IRAK1BP1: variants seen among roughly 807,000 people sequenced by gnomAD.
IRAK1BP1 encodes interleukin-1 receptor-associated kinase 1-binding protein 1.
In IRAK1BP1, 24 loss-of-function variants were observed where a neutral mutation model predicts 28.0. The observed-to-expected ratio is 0.86, with a 90% CI of 0.62 to 1.20. The LOEUF is 1.20. Ranked by LOEUF, IRAK1BP1 falls within the 50% of genes most tolerant of loss-of-function variation. The probability of loss-of-function intolerance (pLI) is 0.00; values close to 1 mark genes in which losing one functional copy is unlikely to be tolerated. For missense variants in IRAK1BP1, 336 were observed against 316.7 expected, an observed-to-expected ratio of 1.06 and a Z score of -0.46; for synonymous variants, 131 against 116.3, an observed-to-expected ratio of 1.13 and a Z score of -0.81.
rs1771970677 is a variant in IRAK1BP1, at chr6:78,898,320, A to C, written c.769A>C (p.Lys257Gln). The change falls in exon 4 of 4, where the codon AAA becomes CAA. Residue 257 changes from lysine to glutamine, a missense_variant. Physicochemically the swap from Lys to Gln is moderately conservative, Grantham distance 53. Transcript: ENST00000369940. ...TFEVKGKEKR[K>Q]KHL ...TGAGGTAAAGGGAAAAGAGAAGAGA[A>C]AAAAGCACCTTTGAAATTCCAAACA... 4 of 1,546,608 alleles carry C rather than the reference A, an allele frequency of 2.6e-6. No individual in the cohort carries two copies. The highest frequency in any genetic ancestry group is 3.5e-6 in the Non-Finnish European group (4 of 1,140,352).
intron 4 of IRAK1BP1, among the ~76,000 whole-genome samples, chr6:78,925,526 C>G (rs1436361583): frequency 1.3e-5 from 2 of 152,016 alleles, no homozygotes; most frequent in Non-Finnish European, 2.9e-5. Flanking sequence ...GTTAAAAAGT[C>G]AAAACACAAC....
chr6:78,941,010 T>C, intron 4 of IRAK1BP1: 1 of 1,613,978 alleles, frequency 6.2e-7, no homozygotes, highest in Non-Finnish European at 8.5e-7. Flanking sequence ...ATCTTCCTTT[T>C]GGGCTTCCTA....
Position 78,867,841 on chromosome 6 carries a change from T to C in IRAK1BP1, c.265T>C (p.Cys89Arg). Residue 89 changes from cysteine (C) to arginine (R), a missense_variant, in exon 1 of 4, where the codon TGT becomes CGT. Physicochemically the swap from Cys to Arg is radical, Grantham distance 180 (BLOSUM62 -3). Transcript: ENST00000369940. Reference protein sequence around the residue: ...EAAAEAKKSVCRRLDYITQSL... With the variant: ...EAAAEAKKSVRRRLDYITQSL... ...GGCAGCCGAGGCCAAAAAGAGCGTTTGTCGCCGTCTAGATTACATCACGCA... is the reference window on the plus strand; with the variant it reads ...GGCAGCCGAGGCCAAAAAGAGCGTTCGTCGCCGTCTAGATTACATCACGCA... 1.2e-6 allele frequency: 2 copies of C among 1,610,658 alleles called. No homozygotes were observed. Among genetic ancestry groups the C allele is most frequent in the Non-Finnish European group, 1.7e-6 (2 of 1,178,420 alleles).
At chr6:78,930,439 C>A (rs1773012736) in intron 4 of IRAK1BP1, among the ~76,000 whole-genome samples, 1 of 152,040 alleles carries the variant, frequency 6.6e-6, no homozygotes, top group Admixed American at 6.6e-5. Context: ...TTCATTTTTG[C>A]AAATTCAAGG....
rs1249843105 is a variant in IRAK1BP1, at chr6:78,902,564, A to C, written c.*4230A>C. 6.5e-6 allele frequency: 1 copy of C among 154,002 alleles called. No individual in the cohort carries two copies. Among genetic ancestry groups the C allele is most frequent in the Non-Finnish European group, 1.4e-5 (1 of 69,228 alleles). The allele number at this position is 154,002 out of a possible 1,614,324, so 9.5% of individuals were successfully genotyped here. Reference sequence around the variant, plus strand: ...GGTAGGCAGATCACTTGAGGTCAGGAGTTCGAGACCAACCTGGCCAATATA... The same window carrying C: ...GGTAGGCAGATCACTTGAGGTCAGGCGTTCGAGACCAACCTGGCCAATATA... On this transcript the variant is annotated 3_prime_UTR_variant, in exon 4 of 4. Coordinates refer to ENST00000369940, the MANE Select transcript of IRAK1BP1 (RefSeq NM_001010844.4).
intron 1 of IRAK1BP1, among the ~76,000 whole-genome samples, chr6:78,875,218 A>G (rs1402658475): frequency 1.3e-5 from 2 of 152,216 alleles, no homozygotes; most frequent in Non-Finnish European, 2.9e-5. Flanking sequence ...CTTTTATTAA[A>G]AAGTCAAAAA....
chr6:78,918,578 T>TAA (rs58669467), intron 4 of IRAK1BP1, among the ~76,000 whole-genome samples: 9,509 of 66,686 alleles, frequency 0.14, 915 homozygotes, highest in African/African-American at 0.26. Context: ...CCAAAAACAG[T>TAA]AAAAAAAAAA....
intron 4 of IRAK1BP1, among the ~76,000 whole-genome samples, chr6:78,918,118 A>C (rs940985489): frequency 4.6e-5 from 7 of 152,032 alleles, no homozygotes; most frequent in African/African-American, 1.4e-4. Context: ...GCCAACATAG[A>C]GGGATCCCAT....
intron 2 of IRAK1BP1, among the ~76,000 whole-genome samples, chr6:78,888,991 C>G (rs984141974): frequency 6.6e-6 from 1 of 151,446 alleles, no homozygotes; most frequent in Non-Finnish European, 1.5e-5. Context: ...ATGGCATGCA[C>G]CTGTAGACCC....
At position 78,897,901 on chromosome 6, in the gene IRAK1BP1, T is replaced by C. The variant is rs192626868; in HGVS notation, c.454T>C (p.Ser152Pro). 5 of 1,614,000 alleles carry C rather than the reference T, an allele frequency of 3.1e-6. No homozygotes were observed. The East Asian group carries it at 1.1e-4, about 36-fold the overall frequency. ...CNFLVEKLDSSVVISPPQFYH... is the reference protein window; with the variant it reads ...CNFLVEKLDSPVVISPPQFYH... ...CTTTCTTGTTGAAAAGCTAGATAGC[T>C]CTGTTGTCATCAGCCCACCCCAGTT... Residue 152 changes from serine (S) to proline (P), a missense_variant, in exon 3 of 4, where the codon TCT becomes CCT. Coordinates refer to ENST00000369940, the MANE Select transcript of IRAK1BP1 (RefSeq NM_001010844.4).
chr6:78,867,696 C>A lies in IRAK1BP1; in HGVS notation c.120C>A (p.Pro40=). 6.2e-7 allele frequency: 1 copy of A among 1,614,248 alleles called. No individual in the cohort carries two copies. Among genetic ancestry groups the A allele is most frequent in the Non-Finnish European group, 8.5e-7 (1 of 1,180,052 alleles). Reference sequence around the variant, plus strand: ...AGACGCTACCGGGCTTACGCCACCCCCTCTCCTCAACACAAGCCCAAACTG... The same window carrying A: ...AGACGCTACCGGGCTTACGCCACCCACTCTCCTCAACACAAGCCCAAACTG... ...GRETLPGLRH[P]LSSTQAQTAT... is the part of the protein sequence containing the mutation. The change falls in exon 1 of 4, where the codon CCC becomes CCA. Residue 40 remains proline, a synonymous_variant. Transcript: ENST00000369940.
At chr6:78,930,017 G>T (rs1391798264) in intron 4 of IRAK1BP1, among the ~76,000 whole-genome samples, 1 of 152,112 alleles carries the variant, frequency 6.6e-6, no homozygotes, top group African/African-American at 2.4e-5. Flanking sequence ...GCTCACTGCA[G>T]CCTCAACCTC....
intron 4 of IRAK1BP1, chr6:78,937,599 T>G (rs1474908505): frequency 6.6e-6 from 1 of 151,740 alleles, no homozygotes. Flanking sequence ...TTACTTGGAT[T>G]GGAGGAAGAC....
rs527588647 is a variant in IRAK1BP1 at position 78,896,722 on chromosome 6, G to A, written c.382-1107G>A. The stretch of plus-strand genomic sequence containing the variant: ...TTCCGGTAGTCCCAGCTACTCGGGG[G>A]GCTGAGGCAGGAGGATCATCTGAAC... On this transcript the variant is annotated intron_variant, in intron 2 of 3. Coordinates refer to ENST00000369940, the MANE Select transcript of IRAK1BP1 (RefSeq NM_001010844.4). Among the ~76,000 whole-genome samples, 4 of 151,964 alleles carry A rather than the reference G, an allele frequency of 2.6e-5. No individual in the cohort carries two copies. The South Asian group carries it at 8.4e-4, about 32-fold the overall frequency.
intron 4 of IRAK1BP1, chr6:78,940,559 T>TG (rs1773446151): frequency 5.5e-6 from 1 of 180,450 alleles, no homozygotes; most frequent in South Asian, 2.2e-4. Flanking sequence ...TTTTTTTTTT[T>TG]TTTTTTTTTT....
At chr6:78,935,497 G>C (rs1773243642) in intron 4 of IRAK1BP1, 1 of 978,706 alleles carries the variant, frequency 1.0e-6, no homozygotes, top group South Asian at 4.7e-5. Flanking sequence ...TATGCAAAGT[G>C]TTCCACTGAA....
chr6:78,888,274 G>C (rs1291125276), intron 2 of IRAK1BP1, among the ~76,000 whole-genome samples: 2 of 152,202 alleles, frequency 1.3e-5, no homozygotes, highest in African/African-American at 4.8e-5. Context: ...GGGCTATACA[G>C]TGTAGTGCCT....
chr6:78,939,503 T>C (rs1425328194), intron 4 of IRAK1BP1: 1 of 151,880 alleles, frequency 6.6e-6, no homozygotes, highest in Non-Finnish European at 1.5e-5. Flanking sequence ...AAGTATGACA[T>C]TTTAAAATTA....
chr6:78,931,509 G>A (rs940936309), intron 4 of IRAK1BP1, among the ~76,000 whole-genome samples: 6 of 152,236 alleles, frequency 3.9e-5, no homozygotes, highest in African/African-American at 9.6e-5. Flanking sequence ...CAGGTATACC[G>A]TGGAGATATT....
Sources: allele counts gnomAD v4.1 joint callset (sites outside exome capture counted in the v4.1 genomes callset), GRCh38; gene constraint gnomAD v4.1.1; transcripts MANE v1.5; gene names NCBI Gene and HGNC (gene_info 2026-07-23, HGNC 2026-07-21).